The following C11orf24 variants were observed in gnomAD, a reference collection of about 807,000 sequenced individuals.
C11orf24 encodes chromosome 11 open reading frame 24.
C11orf24 carries 5 observed loss-of-function variants against 7.3 expected under a neutral mutation model. The observed-to-expected ratio is 0.69, with a 90% CI of 0.36 to 1.45. The LOEUF (loss-of-function observed/expected upper bound fraction) is 1.45, where lower values mean the gene tolerates loss of function less well. Ranked by LOEUF, C11orf24 falls within the 40% of genes most tolerant of loss-of-function variation. The pLI, the probability that C11orf24 is intolerant of heterozygous loss-of-function variation, is 0.03. For missense variants in C11orf24, 566 were observed against 590.5 expected (o/e 0.96, Z 0.43); for synonymous variants, 233 against 235.7 (o/e 0.99, Z 0.11).
intron 1 of C11orf24, among the ~76,000 whole-genome samples, chr11:68,269,510 A>C (rs2098566809): frequency 6.6e-6 from 1 of 152,230 alleles, no homozygotes; most frequent in South Asian, 2.1e-4. Flanking sequence ...TGCTCCCAAC[A>C]CAGATGCCCA....
rs1193291198 is a variant in C11orf24 at position 68,262,772 on chromosome 11, T to C, written c.223A>G (p.Asn75Asp). 1 of 1,614,080 alleles carries C rather than the reference T, an allele frequency of 6.2e-7. No homozygotes were observed. The highest frequency in any genetic ancestry group is 8.5e-7 in the Non-Finnish European group (1 of 1,180,018). The change falls in exon 4 of 4, where the codon AAC (asparagine) becomes GAC (aspartate). Residue 75 changes from asparagine (N) to aspartate (D), a missense_variant. Physicochemically the swap from Asn to Asp is conservative, Grantham distance 23. Transcript: ENST00000304271. ...TCCTCTGTTGTGACTTCCATAGAGT[T>C]GAGGTGGGCTGCCGAAGTCCCTTTG... Reference protein sequence around the residue: ...LTKGTSAAHLNSMEVTTEDTS... With the variant: ...LTKGTSAAHLDSMEVTTEDTS...
Position 68,261,894 on chromosome 11 carries a change from G to A in C11orf24, c.1101C>T (p.Gly367=). 6.2e-7 allele frequency: 1 copy of A among 1,614,002 alleles called. No homozygotes were observed. The highest frequency in any genetic ancestry group is 1.1e-5 in the South Asian group (1 of 91,090). The change falls in exon 4 of 4, where the codon GGC becomes GGT. Residue 367 remains glycine (G), a synonymous_variant. Coordinates refer to ENST00000304271, the MANE Select transcript of C11orf24 (RefSeq NM_022338.4). Reference sequence around the variant, plus strand: ...ACGAGTCCGTGGCTGGCATCTTAGTGCCCCCTGAGCTCCTGGGTGTTGGCC... The same window carrying A: ...ACGAGTCCGTGGCTGGCATCTTAGTACCCCCTGAGCTCCTGGGTGTTGGCC... ...STGPTPRSSG[G]TKMPATDSCQ... is the part of the protein sequence containing the mutation.
At position 68,262,968 on chromosome 11, in the gene C11orf24, C is replaced by T. The variant is rs1222973088; in HGVS notation, c.77-50G>A. 2.6e-6 allele frequency: 4 copies of T among 1,555,326 alleles called. No homozygotes were observed. In the South Asian group the frequency reaches 4.7e-5, roughly 18 times the overall value. On this transcript the variant is annotated intron_variant, in intron 3 of 3. Coordinates refer to ENST00000304271, the MANE Select transcript of C11orf24 (RefSeq NM_022338.4). The stretch of plus-strand genomic sequence containing the variant: ...AGAGAGACAATCATGTTCAATCCTG[C>T]ACAGGGGGATTGCTCAGGGATCGGC...
intron 1 of C11orf24, among the ~76,000 whole-genome samples, chr11:68,268,474 G>A (rs180748432): frequency 4.6e-4 from 70 of 152,292 alleles, no homozygotes; most frequent in Admixed American, 1.1e-3. Flanking sequence ...AGTGGATCAC[G>A]AGGTCAGCAG....
chr11:68,262,824 C>T lies in C11orf24; in HGVS notation c.171G>A (p.Met57Ile), dbSNP rs780124011. ...VDNKTSEDVT[M>I]AAASPVTLTK... is the part of the protein sequence containing the mutation. Reference sequence around the variant, plus strand: ...TCAATGTGACAGGAGAAGCTGCTGCCATGGTTACATCCTCAGACGTTTTAT... The same window carrying T: ...TCAATGTGACAGGAGAAGCTGCTGCTATGGTTACATCCTCAGACGTTTTAT... Residue 57 changes from methionine (M) to isoleucine (I), a missense_variant, in exon 4 of 4, where the codon ATG (methionine) becomes ATA (isoleucine). Coordinates refer to ENST00000304271, the MANE Select transcript of C11orf24 (RefSeq NM_022338.4). 2.5e-6 allele frequency: 4 copies of T among 1,614,166 alleles called. No individual in the cohort carries two copies. Among genetic ancestry groups the T allele is most frequent in the East Asian group, 4.5e-5 (2 of 44,890 alleles).
intron 1 of C11orf24, among the ~76,000 whole-genome samples, chr11:68,271,147 G>A (rs2098567719): frequency 6.6e-6 from 1 of 152,138 alleles, no homozygotes; most frequent in South Asian, 2.1e-4. Flanking sequence ...TGATTTTATC[G>A]AAATGTTAGA....
chr11:68,271,241 G>T (rs1469626647), intron 1 of C11orf24, among the ~76,000 whole-genome samples: 1 of 152,178 alleles, frequency 6.6e-6, no homozygotes, highest in Non-Finnish European at 1.5e-5. Flanking sequence ...CAAACCATGC[G>T]TGTGGAGGCC....
Position 68,261,981 on chromosome 11 carries a change from T to G in C11orf24, c.1014A>C (p.Pro338=), listed in dbSNP as rs2098561964. 1 of 1,613,884 alleles carries G rather than the reference T, an allele frequency of 6.2e-7. No individual in the cohort carries two copies. Among genetic ancestry groups the G allele is most frequent in the African/African-American group, 1.3e-5 (1 of 74,906 alleles). Residue 338 remains proline (P), a synonymous_variant, in exon 4 of 4, where the codon CCA becomes CCC. Transcript: ENST00000304271. ...CCTGCTCCGGTGCCTGGGATGTGCC[T>G]GGCCCAGCGGCCCTCTGGGTATATG... ...PMPYTQRAAG[P]GTSQAPEQVE...
chr11:68,262,423 G>A lies in C11orf24; in HGVS notation c.572C>T (p.Ala191Val). 2 of 1,614,184 alleles carry A rather than the reference G, an allele frequency of 1.2e-6. No individual in the cohort carries two copies. The highest frequency in any genetic ancestry group is 8.5e-7 in the Non-Finnish European group (1 of 1,180,036). Residue 191 changes from alanine (A) to valine (V), a missense_variant, in exon 4 of 4, where the codon GCC (alanine) becomes GTC (valine). Transcript: ENST00000304271. ...TATGHPSLST[A>V]LAQVPKSSAL... is the part of the protein sequence containing the mutation. ...GCTGCTCTTTGGCACTTGTGCGAGG[G>A]CTGTGCTGAGAGATGGATGCCCAGT...
At chr11:68,270,458 A>G (rs981331480) in intron 1 of C11orf24, among the ~76,000 whole-genome samples, 2 of 152,032 alleles carry the variant, frequency 1.3e-5, no homozygotes, top group Admixed American at 1.3e-4. Flanking sequence ...TATGCAAGTT[A>G]CACAAAACTG....
At chr11:68,264,139 G>A (rs966066611) in intron 2 of C11orf24, among the ~76,000 whole-genome samples, 1 of 152,076 alleles carries the variant, frequency 6.6e-6, no homozygotes, top group African/African-American at 2.4e-5. Flanking sequence ...GAGTTTAAAG[G>A]AGCAGGAGAG....
chr11:68,263,006 C>T, intron 3 of C11orf24, 88 bp from the exon 4 acceptor site: 1 of 1,303,240 alleles, frequency 7.7e-7, no homozygotes, highest in Non-Finnish European at 1.1e-6. Flanking sequence ...CCACCCAGGC[C>T]TGTGGGGCCC....
At position 68,262,921 on chromosome 11, in the gene C11orf24, T is replaced by G. The variant is rs1415683180; in HGVS notation, c.77-3A>C. On this transcript the variant is annotated splice_polypyrimidine_tract_variant and splice_region_variant and intron_variant, in intron 3 of 3. Coordinates refer to ENST00000304271, the MANE Select transcript of C11orf24 (RefSeq NM_022338.4). ...CATTTTGTTAGGGACAAAGTTGCCT[T>G]AAAGTCAGAAAAAGGAGAAAAAGAG... The G allele has an allele frequency of 1.2e-6, 2 of 1,611,202 alleles. No homozygotes were observed. The highest frequency in any genetic ancestry group is 1.7e-6 in the Non-Finnish European group (2 of 1,178,180).
chr11:68,263,504 T>C lies in C11orf24; in HGVS notation c.76+188A>G, dbSNP rs1023711139. 2.2e-5 allele frequency: 13 copies of C among 589,762 alleles called. No homozygotes were observed. The Admixed American group carries it at 4.1e-4, about 18-fold the overall frequency. 36.5% of individuals were successfully genotyped at this position (589,762 alleles called of 1,614,324 possible). The stretch of plus-strand genomic sequence containing the variant: ...TCAGGGCTCAGCTGCCTGGTCCTGC[T>C]AGGGGCTCTTTGCCCACCATGGCCC... On this transcript the variant is annotated intron_variant, in intron 3 of 3. Transcript: ENST00000304271.
chr11:68,264,284 C>A (rs1041047962), intron 2 of C11orf24, among the ~76,000 whole-genome samples: 7 of 152,064 alleles, frequency 4.6e-5, no homozygotes, highest in Non-Finnish European at 5.9e-5. Flanking sequence ...CACCCTGTGA[C>A]AGGTGACTGT....
Position 68,262,490 on chromosome 11 carries a change from G to A in C11orf24, c.505C>T (p.Pro169Ser). 1 of 1,614,112 alleles carries A rather than the reference G, an allele frequency of 6.2e-7. No individual in the cohort carries two copies. Among genetic ancestry groups the A allele is most frequent in the Non-Finnish European group, 8.5e-7 (1 of 1,180,010 alleles). ...GTCCGCCCTGTGGAAGTGGACGTGGGCGCGGGGAGTGCAAGTGTCATGGGA... is the reference window on the plus strand; with the variant it reads ...GTCCGCCCTGTGGAAGTGGACGTGGACGCGGGGAGTGCAAGTGTCATGGGA... Reference protein sequence around the residue: ...STPMTLALPAPTSTSTGRTPS... With the variant: ...STPMTLALPASTSTSTGRTPS... Residue 169 changes from proline (P) to serine (S), a missense_variant, in exon 4 of 4, where the codon CCC becomes TCC. By Grantham distance (74) the Pro-to-Ser change is moderately conservative (BLOSUM62 -1). Transcript: ENST00000304271.
intron 3 of C11orf24, 38 bp downstream of exon 3, chr11:68,263,654 G>A (rs767325174): frequency 1.1e-5 from 17 of 1,588,494 alleles, no homozygotes; most frequent in East Asian, 6.7e-5. Context: ...TGTGGCCACC[G>A]TGGGCCCATC....
chr11:68,264,482 C>A lies in C11orf24; in HGVS notation c.-99-616G>T, dbSNP rs1294790066. On this transcript the variant is annotated intron_variant, in intron 2 of 3. Transcript: ENST00000304271. ...CCCATCTATCCATCCATCCATCCAT[C>A]CACCCACCCATCCATCCACCCACTC... 5.4e-5 allele frequency among the ~76,000 whole-genome samples: 8 copies of A among 147,862 alleles called. 1 individual carries two copies.
chr11:68,263,081 C>T (rs2098562796), intron 3 of C11orf24, among the ~76,000 whole-genome samples, 163 bp from the exon 4 acceptor site: 1 of 152,230 alleles, frequency 6.6e-6, no homozygotes, highest in East Asian at 1.9e-4. Context: ...CATCTCTCTT[C>T]CCACTGTTGG....
Sources: allele counts gnomAD v4.1 joint callset (sites outside exome capture counted in the v4.1 genomes callset), GRCh38; gene constraint gnomAD v4.1.1; transcripts MANE v1.5; gene names NCBI Gene and HGNC (gene_info 2026-07-23, HGNC 2026-07-21).